Variants in ADNP observed in about 807,000 individuals in gnomAD.
ADNP encodes the protein activity-dependent neuroprotector homeobox protein.
A neutral mutation model predicts 84.9 loss-of-function variants in ADNP; 4 were observed. The observed-to-expected ratio is 0.05, with a 90% CI of 0.02 to 0.11. The LOEUF (loss-of-function observed/expected upper bound fraction) is 0.11. Among genes scored for constraint, ADNP ranks in the 10% least tolerant of loss-of-function variants. The pLI is 1.00. For missense variants in ADNP, 1,132 were observed against 1,326.0 expected, an observed-to-expected ratio of 0.85 and a Z score of 2.27; for synonymous variants, 554 against 468.1, an observed-to-expected ratio of 1.18 and a Z score of -2.37.
At chr20:50,913,774 G>A in intron 2 of ADNP, 1 of 458,686 alleles carries the variant, frequency 2.2e-6, no homozygotes, top group South Asian at 2.3e-5. Flanking sequence ...TTGGCCTACA[G>A]AGGGAAGCTG....
At chr20:50,928,978 A>C (rs1984464888) in intron 1 of ADNP, among the ~76,000 whole-genome samples, 153 bp from the exon 2 acceptor site, 1 of 152,248 alleles carries the variant, frequency 6.6e-6, no homozygotes, top group Non-Finnish European at 1.5e-5. Context: ...GAGGGAAACG[A>C]AATTTTTACA....
At chr20:50,897,060 G>C (rs2122783601) in intron 5 of ADNP, among the ~76,000 whole-genome samples, 1 of 152,246 alleles carries the variant, frequency 6.6e-6, no homozygotes, top group East Asian at 1.9e-4. Context: ...TCCTGCCTCA[G>C]CCTCGTGGCT....
rs909840062 is a variant in ADNP at position 50,890,147 on chromosome 20, A to C, written c.*1258T>G. 1.0e-3 allele frequency: 273 copies of C among 265,644 alleles called. 6 individuals carry two copies. Among genetic ancestry groups the C allele is most frequent in the African/African-American group, 5.8e-3 (236 of 40,986 alleles). The allele number at this position is 265,644 out of a possible 1,614,324, so 16.5% of individuals were successfully genotyped here. On this transcript the variant is annotated 3_prime_UTR_variant, in exon 6 of 6. Coordinates refer to ENST00000621696, the MANE Select transcript of ADNP (RefSeq NM_001282531.3). ...TTTTTCAGTTAAAAAAAAAAAAAAA[A>C]AAAAAAAAAAAAAAGAAAAACAGAT...
At chr20:50,929,698 G>T (rs894571848) in intron 1 of ADNP, among the ~76,000 whole-genome samples, 11 of 151,966 alleles carry the variant, frequency 7.2e-5, no homozygotes, top group Admixed American at 7.2e-4. Flanking sequence ...TAAAGAAACT[G>T]TATCAAGCTA....
chr20:50,905,329 A>G (rs188986505), intron 2 of ADNP: 2 of 152,328 alleles, frequency 1.3e-5, no homozygotes, highest in East Asian at 1.9e-4. Context: ...AGCAAAAACA[A>G]AAGACAAAGC....
At position 50,920,855 on chromosome 20, in the gene ADNP, A is replaced by T. The variant is rs190136091; in HGVS notation, c.-90+7796T>A. ...GCCATATGTAAAAAATTTGTACCTT[A>T]TAACTTCAAACCTCCTTAACAAGAG... On this transcript the variant is annotated intron_variant, in intron 2 of 5. Coordinates refer to ENST00000621696, the MANE Select transcript of ADNP (RefSeq NM_001282531.3). Among the ~76,000 whole-genome samples the T allele has an allele frequency of 2.1e-4, 32 of 152,330 alleles. No individual in the cohort carries two copies. The East Asian group carries it at 5.4e-3, about 26-fold the overall frequency.
At chr20:50,924,253 GT>G (rs1984145958) in intron 2 of ADNP, among the ~76,000 whole-genome samples, 3 of 152,186 alleles carry the variant, frequency 2.0e-5, no homozygotes, top group African/African-American at 4.8e-5. Flanking sequence ...TTCTTATACA[GT>G]TAACTTCCCA....
At position 50,926,342 on chromosome 20, in the gene ADNP, G is replaced by C. The variant is rs184391018; in HGVS notation, c.-90+2309C>G. Among the ~76,000 whole-genome samples the C allele has an allele frequency of 3.0e-4, 46 of 152,250 alleles. No individual in the cohort carries two copies. In the East Asian group the frequency reaches 8.1e-3, roughly 27 times the overall value. On this transcript the variant is annotated intron_variant, in intron 2 of 5. Transcript: ENST00000621696. ...TGATGCTCTTTTAAAAACTCCTTTGGAACTCCAGGTTGAACAAGTAGCTTA... is the reference window on the plus strand; with the variant it reads ...TGATGCTCTTTTAAAAACTCCTTTGCAACTCCAGGTTGAACAAGTAGCTTA...
At chr20:50,908,147 G>GTTTT (rs142605027) in intron 2 of ADNP, among the ~76,000 whole-genome samples, 9 of 105,908 alleles carry the variant, frequency 8.5e-5, no homozygotes, top group African/African-American at 1.7e-4. Flanking sequence ...AGATTTTTCT[G>GTTTT]TTTTTTTTTT....
chr20:50,916,532 G>A (rs528667514), intron 2 of ADNP, among the ~76,000 whole-genome samples: 3 of 152,230 alleles, frequency 2.0e-5, no homozygotes, highest in Non-Finnish European at 4.4e-5. Context: ...CAAAGGATAA[G>A]CTCCAGCTTG....
At position 50,892,261 on chromosome 20, in the gene ADNP, T is replaced by C; in HGVS notation, c.2453A>G (p.Tyr818Cys). The part of the protein sequence containing the change: ...RKKCVRDCEK[Y>C]KPGVLLGFNM... ...AAACCCCAGCAACACGCCAGGCTTG[T>C]ACTTTTCACAATCACGGACACACTT... Residue 818 changes from tyrosine to cysteine, a missense_variant, in exon 6 of 6, where the codon TAC (tyrosine) becomes TGC (cysteine). Coordinates refer to ENST00000621696, the MANE Select transcript of ADNP (RefSeq NM_001282531.3). 1 of 1,614,178 alleles carries C rather than the reference T, an allele frequency of 6.2e-7. No homozygotes were observed. The highest frequency in any genetic ancestry group is 1.6e-4 in the Middle Eastern group (1 of 6,062).
chr20:50,920,924 A>T (rs180935951), intron 2 of ADNP, among the ~76,000 whole-genome samples: 1 of 152,338 alleles, frequency 6.6e-6, no homozygotes, highest in East Asian at 1.9e-4. Flanking sequence ...GCTAGAAAAT[A>T]AAGATGCAGT....
At position 50,893,277 on chromosome 20, in the gene ADNP, G is replaced by T; in HGVS notation, c.1437C>A (p.Asn479Lys). 1 of 1,614,260 alleles carries T rather than the reference G, an allele frequency of 6.2e-7. No homozygotes were observed. Among genetic ancestry groups the T allele is most frequent in the Non-Finnish European group, 8.5e-7 (1 of 1,180,048 alleles). ...HKAEKVPAVA[N>K]YIMKIHNFTS... is the part of the protein sequence containing the mutation. The stretch of plus-strand genomic sequence containing the variant: ...TAAAATTGTGTATTTTCATAATGTA[G>T]TTGGCTACTGCTGGGACTTTCTCAG... Residue 479 changes from asparagine to lysine, a missense_variant, in exon 6 of 6, where the codon AAC becomes AAA. This residue lies in a region of ADNP where 87 missense variants were observed against 181.4 expected (regional missense o/e 0.48). Transcript: ENST00000621696. This position sits in a 1 kb window ranked among gnomAD's most constrained non-coding sequence, Gnocchi z 4.4.
intron 4 of ADNP, among the ~76,000 whole-genome samples, chr20:50,902,546 A>G (rs1035832529): frequency 1.3e-5 from 2 of 152,200 alleles, no homozygotes; most frequent in Admixed American, 6.5e-5. Context: ...GCAGGAGATC[A>G]GATCAGGAAG....
chr20:50,901,256 G>C (rs1981946764), intron 5 of ADNP, among the ~76,000 whole-genome samples: 1 of 142,110 alleles, frequency 7.0e-6, no homozygotes, highest in African/African-American at 2.6e-5. Context: ...TTAAATAAAT[G>C]ATGTGTCCCA....
chr20:50,905,522 G>A (rs915832913), intron 2 of ADNP: 4 of 152,116 alleles, frequency 2.6e-5, no homozygotes, highest in African/African-American at 4.8e-5. Flanking sequence ...AATAAAAGGA[G>A]AAAGAGTGAA....
chr20:50,917,187 T>C (rs993259681), intron 2 of ADNP, among the ~76,000 whole-genome samples: 5 of 152,192 alleles, frequency 3.3e-5, no homozygotes, highest in African/African-American at 1.2e-4. Context: ...CAGCAGCATG[T>C]TCCCTACGTA....
chr20:50,921,063 T>C (rs186020632), intron 2 of ADNP, among the ~76,000 whole-genome samples: 2 of 152,214 alleles, frequency 1.3e-5, no homozygotes, highest in Admixed American at 6.5e-5. Context: ...AAGGACACTA[T>C]CTCATTGTTT....
In ADNP at chr20:50,889,861, C is replaced by G; in HGVS notation, c.*1544G>C. The G allele has an allele frequency of 2.5e-6, 1 of 398,480 alleles. No homozygotes were observed. The highest frequency in any genetic ancestry group is 4.4e-6 in the Non-Finnish European group (1 of 226,036). The allele number at this position is 398,480 out of a possible 1,614,324, so 24.7% of individuals were successfully genotyped here. ...AGTGCTGTGCTCTTCAAAGCCTTTC[C>G]CTTAATAGCAAGAGGGCCAAGAGTG... On this transcript the variant is annotated 3_prime_UTR_variant, in exon 6 of 6. Coordinates refer to ENST00000621696, the MANE Select transcript of ADNP (RefSeq NM_001282531.3).
Sources: allele counts gnomAD v4.1 joint callset (sites outside exome capture counted in the v4.1 genomes callset), GRCh38; gene constraint gnomAD v4.1.1; regional missense constraint gnomAD v4.1.1; non-coding constraint Gnocchi (gnomAD v3.1); transcripts MANE v1.5; gene names NCBI Gene and HGNC (gene_info 2026-07-23, HGNC 2026-07-21).